The following CDH26 variants were observed in gnomAD, a reference collection of about 807,000 sequenced individuals.
CDH26 encodes the protein cadherin-like protein 26.
Under a neutral mutation model 90.3 loss-of-function variants are expected in CDH26, and 83 were observed. The ratio of observed to expected loss-of-function variants is 0.92; its 90% CI spans 0.77 to 1.10. The LOEUF is 1.10. Among genes scored for constraint, CDH26 ranks in the 50% least tolerant of loss-of-function variants. The pLI, the probability that CDH26 is intolerant of heterozygous loss-of-function variation, is 0.00. For synonymous variants in CDH26, 397 were observed against 396.3 expected (o/e 1.00, Z -0.02); for missense variants, 1,013 against 1,037.6 (o/e 0.98, Z 0.33).
At chr20:60,028,514 G>A (rs368944685) in intron 7 of CDH26, among the ~76,000 whole-genome samples, 5 of 152,174 alleles carry the variant, frequency 3.3e-5, no homozygotes, top group African/African-American at 9.7e-5. Flanking sequence ...TGATGCAGAG[G>A]GGGCAGTGGA....
rs1447071791 is a variant in CDH26, at chr20:59,995,945, G to A, written c.1779G>A (p.Arg593=). 1 of 1,614,238 alleles carries A rather than the reference G, an allele frequency of 6.2e-7. No homozygotes were observed. The change falls in exon 12 of 18, where the codon AGG becomes AGA. Residue 593 remains arginine, a synonymous_variant. Coordinates refer to ENST00000348616, the MANE Select transcript of CDH26 (RefSeq NM_177980.4). ...GLSQKQTVHV[R]ICPCASGLTC... ...CCCAGAAGCAAACTGTCCATGTAAG[G>A]ATCTGCCCCTGTGCCAGTGGGCTCA...
Position 60,012,586 on chromosome 20 carries a change from C to T in CDH26, c.2355C>T (p.Ser785=), listed in dbSNP as rs375717739. The change falls in exon 18 of 18, where the codon AGC becomes AGT. Residue 785 remains serine, a synonymous_variant. Transcript: ENST00000348616. The part of the protein sequence containing the change: ...DDPGYLPHVY[S]EEGECGGAPS... ...CCGGCTACCTACCTCACGTCTACAG[C>T]GAGGAAGGGGAGTGTGGAGGGGCCC... 62 of 1,613,970 alleles carry T rather than the reference C, an allele frequency of 3.8e-5. No homozygotes were observed. In the Middle Eastern group the frequency reaches 4.9e-4, roughly 13 times the overall value.
At position 60,029,956 on chromosome 20, in the gene CDH26, A is replaced by G. The variant is rs577593898; in HGVS notation, c.948-1275A>G. On this transcript the variant is annotated intron_variant, in intron 7 of 8. Coordinates refer to the CDH26 transcript ENST00000370991. ...AAATGAATAAATAAATAAATAATAT[A>G]TAAAAGCAAAGGAACACATGGTCAC... 7.9e-5 allele frequency among the ~76,000 whole-genome samples: 12 copies of G among 152,298 alleles called. 1 individual carries two copies. In the South Asian group the frequency reaches 2.5e-3, roughly 32 times the overall value.
intron 4 of CDH26, among the ~76,000 whole-genome samples, chr20:59,980,314 G>A (rs1489936111): frequency 6.8e-6 from 1 of 147,702 alleles, no homozygotes; most frequent in Non-Finnish European, 1.5e-5. Flanking sequence ...TTTTTTTTGA[G>A]ATGGAGTTTC....
chr20:59,976,745 G>A (rs951852685), intron 4 of CDH26, among the ~76,000 whole-genome samples: 2 of 152,158 alleles, frequency 1.3e-5, no homozygotes, highest in African/African-American at 2.4e-5. Flanking sequence ...ACTGACCTGC[G>A]CTAGACGTAG....
chr20:59,970,146 A>C lies in CDH26; in HGVS notation c.191A>C (p.Glu64Ala). The C allele has an allele frequency of 6.2e-7, 1 of 1,614,104 alleles. No homozygotes were observed. Among genetic ancestry groups the C allele is most frequent in the Non-Finnish European group, 8.5e-7 (1 of 1,179,986 alleles). Residue 64 changes from glutamate (E) to alanine (A), a missense_variant, in exon 3 of 18, where the codon GAG (glutamate) becomes GCG (alanine). Glu to Ala is a moderately radical substitution (Grantham distance 107). Transcript: ENST00000348616. ...TGGGTTATCACCACCTTGGAGCTGG[A>C]GGAGGAAGACCCGGGACCCTTTCCC... ...RRWVITTLEL[E>A]EEDPGPFPKL...
At chr20:60,033,639 C>G in exon 9 of CDH26, 1 of 1,304,636 alleles carries the variant, frequency 7.7e-7, no homozygotes, top group Non-Finnish European at 1.0e-6. Flanking sequence ...AGAGGAGAAT[C>G]GGCAGGTGGT....
chr20:59,997,930 G>A (rs2061620789), intron 13 of CDH26, among the ~76,000 whole-genome samples: 1 of 152,248 alleles, frequency 6.6e-6, no homozygotes, highest in African/African-American at 2.4e-5. Flanking sequence ...CATGAAGGAG[G>A]GAAGGGAGCA....
intron 17 of CDH26, among the ~76,000 whole-genome samples, chr20:60,007,002 T>C (rs370465491): frequency 6.6e-6 from 1 of 152,316 alleles, no homozygotes; most frequent in East Asian, 1.9e-4. Flanking sequence ...GGTTCCAGCA[T>C]GGTTGGGTTC....
chr20:59,984,530 C>A (rs2061429107), intron 5 of CDH26, 109 bp from the exon 6 acceptor site: 2 of 726,352 alleles, frequency 2.8e-6, no homozygotes, highest in East Asian at 2.6e-5. Context: ...TTAAACATTC[C>A]ACTCATTTTG....
rs768051873 is a variant in CDH26, at chr20:60,006,668, A to G, written c.2221-45A>G. The G allele has an allele frequency of 5.5e-6, 8 of 1,444,128 alleles. 1 individual carries two copies. The South Asian group carries it at 9.1e-5, about 16-fold the overall frequency. The allele number at this position is 1,444,128 out of a possible 1,614,324, so 89.5% of individuals were successfully genotyped here. ...TGACACACAGGGGTTGGGGGGTAGGACAAGGGCTCTGCTGTGGTATGAAGC... is the reference window on the plus strand; with the variant it reads ...TGACACACAGGGGTTGGGGGGTAGGGCAAGGGCTCTGCTGTGGTATGAAGC... On this transcript the variant is annotated intron_variant, in intron 16 of 17. Coordinates refer to ENST00000348616, the MANE Select transcript of CDH26 (RefSeq NM_177980.4).
At chr20:59,983,958 GT>G in intron 5 of CDH26, among the ~76,000 whole-genome samples, 1 of 152,178 alleles carries the variant, frequency 6.6e-6, no homozygotes, top group East Asian at 1.9e-4. Flanking sequence ...GAACATTTAT[GT>G]TTTTTTGCCA....
intron 13 of CDH26, among the ~76,000 whole-genome samples, chr20:59,997,646 A>G (rs921340813): frequency 1.3e-5 from 2 of 152,270 alleles, no homozygotes; most frequent in Admixed American, 6.5e-5. Context: ...GTCTTCATCT[A>G]GAATTAAGTG....
At chr20:60,019,047 T>C (rs1431368270), downstream of CDH26, among the ~76,000 whole-genome samples, 1 of 152,164 alleles carries the variant, frequency 6.6e-6, no homozygotes, top group Non-Finnish European at 1.5e-5. Context: ...TCCAATTCTC[T>C]CCTGGCTTGT....
At chr20:60,017,827 G>T (rs2061918063), downstream of CDH26, among the ~76,000 whole-genome samples, 1 of 151,940 alleles carries the variant, frequency 6.6e-6, no homozygotes, top group Admixed American at 6.6e-5. Context: ...TTTGCCTCAA[G>T]GAATTTTAAA....
At chr20:59,967,377 C>T (rs149292900) in intron 1 of CDH26, among the ~76,000 whole-genome samples, 1 of 152,280 alleles carries the variant, frequency 6.6e-6, no homozygotes, top group East Asian at 1.9e-4. Flanking sequence ...AATAGGAAGA[C>T]TGTATAACAA....
rs764464278 is a variant in CDH26 at position 60,014,126 on chromosome 20, A to T, written c.*1396A>T. 3.3e-5 allele frequency: 5 copies of T among 152,252 alleles called. No individual in the cohort carries two copies. The highest frequency in any genetic ancestry group is 7.4e-5 in the Non-Finnish European group (5 of 68,018). 9.4% of individuals were successfully genotyped at this position (152,252 alleles called of 1,614,324 possible). On this transcript the variant is annotated 3_prime_UTR_variant, in exon 18 of 18. Coordinates refer to ENST00000348616, the MANE Select transcript of CDH26 (RefSeq NM_177980.4). The stretch of plus-strand genomic sequence containing the variant: ...TTCATTCTGTCCCCTGTAGATTTTT[A>T]AAAAATTATCTCATTTTAAAACTTT...
At chr20:60,028,289 A>T (rs901712282) in intron 7 of CDH26, among the ~76,000 whole-genome samples, 1 of 152,250 alleles carries the variant, frequency 6.6e-6, no homozygotes, top group African/African-American at 2.4e-5. Context: ...AATGTGATAT[A>T]AATGGGATTA....
chr20:60,011,408 T>C (rs2061839007), intron 17 of CDH26, among the ~76,000 whole-genome samples: 1 of 152,234 alleles, frequency 6.6e-6, no homozygotes, highest in Non-Finnish European at 1.5e-5. Context: ...TGTGAAATCA[T>C]GGATTTGGCG....
Sources: gnomAD v4.1 joint callset for allele counts (sites outside exome capture counted in the v4.1 genomes callset) on GRCh38, gnomAD v4.1.1 for gene constraint, MANE v1.5 for transcripts, NCBI Gene and HGNC (gene_info 2026-07-23, HGNC 2026-07-21) for gene names.